The following EIF4E3 variants were observed in gnomAD, a reference collection of about 807,000 sequenced individuals.
The protein encoded by EIF4E3 is eukaryotic translation initiation factor 4E type 3.
EIF4E3 carries 26 observed loss-of-function variants against 31.7 expected under a neutral mutation model. That is an observed-to-expected ratio of 0.82 (90% confidence interval 0.60 to 1.14). The LOEUF (loss-of-function observed/expected upper bound fraction) is 1.14. Ranked by LOEUF, EIF4E3 falls within the 50% of genes most tolerant of loss-of-function variation. The pLI is 0.00. For synonymous variants in EIF4E3, 128 were observed against 107.7 expected, an observed-to-expected ratio of 1.19 and a Z score of -1.17; for missense variants, 304 against 270.9, an observed-to-expected ratio of 1.12 and a Z score of -0.86.
intron 1 of EIF4E3, among the ~76,000 whole-genome samples, chr3:71,752,877 G>C (rs1466977329): frequency 1.3e-5 from 2 of 152,224 alleles, no homozygotes; most frequent in South Asian, 4.1e-4. Flanking sequence ...CGAGACAAAT[G>C]CGGTGTGTCT....
chr3:71,702,709 A>AT lies in EIF4E3; in HGVS notation c.250-3002dup, dbSNP rs1553662761. ...TAGGAGCAAAATATCCGGTCACACCATTAAAAAAAAAAAAAAAAGCCCTAT... is the reference window on the plus strand; with the variant it reads ...TAGGAGCAAAATATCCGGTCACACCATTTAAAAAAAAAAAAAAAAGCCCTAT... On this transcript the variant is annotated intron_variant, in intron 2 of 6. Transcript: ENST00000425534. 4.2e-5 allele frequency among the ~76,000 whole-genome samples: 6 copies of AT among 142,456 alleles called. No homozygotes were observed. The East Asian group carries it at 9.9e-4, about 24-fold the overall frequency. 93.5% of individuals were successfully genotyped at this position (142,456 alleles called of 152,430 possible).
rs1232664771 is a variant in EIF4E3 at position 71,684,745 on chromosome 3, A to C, written c.629-17T>G. 1.2e-6 allele frequency: 2 copies of C among 1,612,876 alleles called. No homozygotes were observed. The highest frequency in any genetic ancestry group is 2.7e-5 in the African/African-American group (2 of 74,716). ...CTTCATGGGCTAAAGGACAGAAAAAAAACAAAAAAGAAAAAAAGGAAAGAA... is the reference window on the plus strand; with the variant it reads ...CTTCATGGGCTAAAGGACAGAAAAACAACAAAAAAGAAAAAAAGGAAAGAA... On this transcript the variant is annotated splice_polypyrimidine_tract_variant and intron_variant, in intron 6 of 6. Coordinates refer to ENST00000425534, the MANE Select transcript of EIF4E3 (RefSeq NM_001134651.2).
chr3:71,744,068 T>C (rs917017562), intron 1 of EIF4E3, among the ~76,000 whole-genome samples: 2 of 152,116 alleles, frequency 1.3e-5, no homozygotes, highest in Admixed American at 6.5e-5. Flanking sequence ...TGTAAAAGCA[T>C]AATTCATAAA....
intron 5 of EIF4E3, among the ~76,000 whole-genome samples, chr3:71,691,107 A>G (rs896031592): frequency 6.6e-6 from 1 of 152,324 alleles, no homozygotes; most frequent in East Asian, 1.9e-4. Flanking sequence ...TTCCTTGTTC[A>G]TGACACGGTA....
Position 71,693,959 on chromosome 3 carries a change from TA to T in EIF4E3, c.406-19del. The T allele has an allele frequency of 1.3e-6, 2 of 1,549,950 alleles. No homozygotes were observed. On this transcript the variant is annotated intron_variant, in intron 4 of 6. Transcript: ENST00000425534. ...ACTGTGGACTGATATGGGAAAAGAA[TA>T]AAAAACAAAACAAACAAAATACAGA...
chr3:71,725,196 C>G lies in EIF4E3; in HGVS notation c.172G>C (p.Asp58His), dbSNP rs1171257332. The change falls in exon 1 of 7, where the codon GAC becomes CAC. Residue 58 changes from aspartate to histidine, a missense_variant. By Grantham distance (81) the Asp-to-His change is moderately conservative. Coordinates refer to ENST00000425534, the MANE Select transcript of EIF4E3 (RefSeq NM_001134651.2). The surrounding 1 kb of genome is among the most constrained non-coding windows in gnomAD (Gnocchi z 6.1). The part of the protein sequence containing the change: ...PLHSSWTFWL[D>H]RSLPGATAAE... ...GCGGGCCCCGCGCCCCCTCACCTGT[C>G]GAGCCAGAAGGTCCAGGACGAGTGC... is the stretch of plus-strand genomic sequence containing the variant. The G allele has an allele frequency of 2.7e-6, 3 of 1,117,680 alleles. No homozygotes were observed. The highest frequency in any genetic ancestry group is 4.6e-5 in the Admixed American group (1 of 21,520). 69.2% of individuals were successfully genotyped at this position (1,117,680 alleles called of 1,614,324 possible).
At chr3:71,666,782 C>CA in the EIF4E3 span, among the ~76,000 whole-genome samples, 4 of 151,906 alleles carry the variant, frequency 2.6e-5, no homozygotes, top group African/African-American at 9.7e-5. Flanking sequence ...ACTAAAAATA[C>CA]AAAAAAATTA....
chr3:71,753,447 G>C (rs989023104), intron 1 of EIF4E3: 1 of 152,210 alleles, frequency 6.6e-6, no homozygotes, highest in Admixed American at 6.5e-5. Flanking sequence ...GGGCGCCGCC[G>C]CCGGACCCCC....
chr3:71,674,090 C>CTT (rs71277509), downstream of EIF4E3, among the ~76,000 whole-genome samples: 516 of 25,044 alleles, frequency 0.021, 195 homozygotes, highest in Non-Finnish European at 0.037. Flanking sequence ...ATCAACTGTA[C>CTT]TTTTTTTTTT....
At chr3:71,699,483 G>A in intron 3 of EIF4E3, 131 bp downstream of exon 3, 1 of 800,038 alleles carries the variant, frequency 1.2e-6, no homozygotes, top group Non-Finnish European at 2.1e-6. Context: ...CCCAGACCCT[G>A]GGCCATGATT....
At chr3:71,754,361 C>T (rs1240078958), upstream of EIF4E3, 2 of 1,325,618 alleles carry the variant, frequency 1.5e-6, no homozygotes, top group South Asian at 1.8e-5. This position sits in a 1 kb window ranked among gnomAD's most constrained non-coding sequence, Gnocchi z 5.8. Flanking sequence ...TGGCCGCGCT[C>T]TTCTGCTTCC....
At chr3:71,674,534 G>C (rs1279071906), downstream of EIF4E3, among the ~76,000 whole-genome samples, 2 of 152,132 alleles carry the variant, frequency 1.3e-5, no homozygotes, top group African/African-American at 4.8e-5. Flanking sequence ...CAAGTAAATG[G>C]GGATGATTTG....
At chr3:71,662,899 T>C in the EIF4E3 span, among the ~76,000 whole-genome samples, 1 of 152,142 alleles carries the variant, frequency 6.6e-6, no homozygotes, top group African/African-American at 2.4e-5. Flanking sequence ...CGAGGGAAGA[T>C]GGTTTGCAAG....
chr3:71,725,764 G>A (rs2049630299), upstream of EIF4E3, among the ~76,000 whole-genome samples: 5 of 152,118 alleles, frequency 3.3e-5, no homozygotes, highest in African/African-American at 4.8e-5. The surrounding 1 kb of genome is among the most constrained non-coding windows in gnomAD (Gnocchi z 6.1). Context: ...GGGATGGAGC[G>A]GCAGGCTAGG....
At chr3:71,695,147 T>G (rs1396596401) in intron 4 of EIF4E3, among the ~76,000 whole-genome samples, 5 of 152,150 alleles carry the variant, frequency 3.3e-5, no homozygotes, top group Non-Finnish European at 7.4e-5. Flanking sequence ...GTTTTCTATC[T>G]GTCCAGCTAC....
the EIF4E3 span, among the ~76,000 whole-genome samples, chr3:71,663,113 G>A: frequency 3.3e-5 from 5 of 152,086 alleles, no homozygotes; most frequent in African/African-American, 9.7e-5. Context: ...CTTGCAAGCC[G>A]CCATCCCCAT....
chr3:71,730,361 G>A (rs1354933606), upstream of EIF4E3, among the ~76,000 whole-genome samples: 1 of 152,154 alleles, frequency 6.6e-6, no homozygotes, highest in African/African-American at 2.4e-5. Context: ...CACTCTCAAG[G>A]GACTGCTCTG....
intron 1 of EIF4E3, among the ~76,000 whole-genome samples, chr3:71,713,337 T>C (rs1428013661): frequency 6.6e-6 from 1 of 152,242 alleles, no homozygotes. Flanking sequence ...GAGCTGCCCA[T>C]TCAAGCCATA....
rs2049248842 is a variant in EIF4E3 at position 71,703,621 on chromosome 3, A to G, written c.250-3913T>C. Among the ~76,000 whole-genome samples, 3 of 152,192 alleles carry G rather than the reference A, an allele frequency of 2.0e-5. No individual in the cohort carries two copies. In the South Asian group the frequency reaches 6.2e-4, roughly 31 times the overall value. On this transcript the variant is annotated intron_variant, in intron 2 of 6. Transcript: ENST00000425534. ...ATGCCCCACCTTACAGCCTTCTGCCAAATAGATAATCATTCATTACCAAGA... is the reference window on the plus strand; with the variant it reads ...ATGCCCCACCTTACAGCCTTCTGCCGAATAGATAATCATTCATTACCAAGA...
Sources: allele counts gnomAD v4.1 joint callset (sites outside exome capture counted in the v4.1 genomes callset), GRCh38; gene constraint gnomAD v4.1.1; non-coding constraint Gnocchi (gnomAD v3.1); transcripts MANE v1.5; gene names NCBI Gene and HGNC (gene_info 2026-07-23, HGNC 2026-07-21).